PCDHGA5: variants seen among roughly 807,000 people sequenced by gnomAD.
PCDHGA5 encodes the protein protocadherin gamma-A5.
PCDHGA5 carries 36 observed loss-of-function variants against 56.7 expected under a neutral mutation model. That is an observed-to-expected ratio of 0.64 (90% confidence interval 0.49 to 0.84). The LOEUF is 0.84. PCDHGA5 is among the 40% of genes least tolerant of loss of function. The probability of loss-of-function intolerance (pLI) is 0.00; values close to 1 mark genes in which losing one functional copy is unlikely to be tolerated. For missense variants in PCDHGA5, 1,305 were observed against 1,201.5 expected (o/e 1.09, Z -1.27); for synonymous variants, 563 against 520.2 (o/e 1.08, Z -1.12).
intron 1 of PCDHGA5, chr5:141,403,027 G>C: frequency 1.2e-6 from 2 of 1,614,070 alleles, no homozygotes; most frequent in Non-Finnish European, 1.7e-6. Flanking sequence ...TGCTATGGGA[G>C]GCCAGGGCCA....
intron 1 of PCDHGA5, chr5:141,413,404 C>T: frequency 6.2e-7 from 1 of 1,614,046 alleles, no homozygotes; most frequent in Non-Finnish European, 8.5e-7. Context: ...AGGTAGGACG[C>T]AGCTTTTCTC....
chr5:141,372,093 C>T (rs775337385), intron 1 of PCDHGA5: 1 of 1,613,786 alleles, frequency 6.2e-7, no homozygotes, highest in Admixed American at 1.7e-5. Flanking sequence ...GTACCCAGCT[C>T]TGGGGCCCGA....
chr5:141,365,777 G>C lies in PCDHGA5; in HGVS notation c.1447G>C (p.Asp483His). 6.2e-7 allele frequency: 1 copy of C among 1,613,854 alleles called. No individual in the cohort carries two copies. The highest frequency in any genetic ancestry group is 8.5e-7 in the Non-Finnish European group (1 of 1,179,882). Residue 483 changes from aspartate (D) to histidine (H), a missense_variant, in exon 1 of 4, where the codon GAC becomes CAC. Transcript: ENST00000518069. ...GACAGCCCATGACCCCGACAGCGGC[G>C]ACAACGCTCGAGTCACCTACTCCCT... The part of the protein sequence containing the change: ...SVTAHDPDSG[D>H]NARVTYSLAE...
Position 141,490,480 on chromosome 5 carries a change from C to G in PCDHGA5, c.2422-4327C>G. On this transcript the variant is annotated intron_variant, in intron 1 of 3. Coordinates refer to ENST00000518069, the MANE Select transcript of PCDHGA5 (RefSeq NM_018918.3). This position sits in a 1 kb window ranked among gnomAD's most constrained non-coding sequence, Gnocchi z 5.4. The stretch of plus-strand genomic sequence containing the variant: ...GCTGCTAACCAGCCAGCCTTTGGAC[C>G]GGGAGGCCACATCCCACTATATCAT... 2.5e-6 allele frequency: 4 copies of G among 1,614,194 alleles called. No homozygotes were observed. The highest frequency in any genetic ancestry group is 3.4e-6 in the Non-Finnish European group (4 of 1,180,050).
intron 1 of PCDHGA5, among the ~76,000 whole-genome samples, chr5:141,492,341 C>T (rs2099739551): frequency 6.6e-6 from 1 of 152,222 alleles, no homozygotes; most frequent in East Asian, 1.9e-4. Flanking sequence ...CGAATACCAG[C>T]TTTCACTGCC....
intron 1 of PCDHGA5, chr5:141,417,924 T>C (rs1197566429): frequency 1.9e-6 from 3 of 1,609,340 alleles, no homozygotes; most frequent in Admixed American, 1.7e-5. Flanking sequence ...CCTTTGCTGC[T>C]GCCTTTGTTC....
rs933089146 is a variant in PCDHGA5, at chr5:141,490,786, A to G, written c.2422-4021A>G. ...GTATGTCAACCCAGAGGATGGACGGATCTTTGCCCAGCGTACCTTTGACTA... is the reference window on the plus strand; with the variant it reads ...GTATGTCAACCCAGAGGATGGACGGGTCTTTGCCCAGCGTACCTTTGACTA... On this transcript the variant is annotated intron_variant, in intron 1 of 3. Coordinates refer to ENST00000518069, the MANE Select transcript of PCDHGA5 (RefSeq NM_018918.3). This position sits in a 1 kb window ranked among gnomAD's most constrained non-coding sequence, Gnocchi z 5.4. The G allele has an allele frequency of 1.9e-6, 3 of 1,614,056 alleles. No individual in the cohort carries two copies. The highest frequency in any genetic ancestry group is 1.7e-5 in the Admixed American group (1 of 60,016).
At chr5:141,444,115 AG>A (rs1206374963) in intron 1 of PCDHGA5, among the ~76,000 whole-genome samples, 3 of 147,326 alleles carry the variant, frequency 2.0e-5, no homozygotes, top group Admixed American at 2.0e-4. Context: ...AGAAAAGTGA[AG>A]TATCTCAACA....
chr5:141,366,538 C>T lies in PCDHGA5; in HGVS notation c.2208C>T (p.Pro736=), dbSNP rs1369448812. ...QAEGSRLAGV[P]ASHFVGVDGV... Reference sequence around the variant, plus strand: ...AAGGCAGCAGGTTGGCGGGTGTGCCCGCCTCGCACTTTGTGGGCGTGGATG... The same window carrying T: ...AAGGCAGCAGGTTGGCGGGTGTGCCTGCCTCGCACTTTGTGGGCGTGGATG... The change falls in exon 1 of 4, where the codon CCC becomes CCT. Residue 736 remains proline, a synonymous_variant. Coordinates refer to ENST00000518069, the MANE Select transcript of PCDHGA5 (RefSeq NM_018918.3). 2.5e-6 allele frequency: 4 copies of T among 1,614,268 alleles called. No homozygotes were observed. Among genetic ancestry groups the T allele is most frequent in the Admixed American group, 1.7e-5 (1 of 60,028 alleles).
At position 141,372,292 on chromosome 5, in the gene PCDHGA5, G is replaced by A. The variant is rs1768614066; in HGVS notation, c.2421+5541G>A. The A allele has an allele frequency of 4.3e-6, 7 of 1,613,164 alleles. No homozygotes were observed. The African/African-American group carries it at 5.3e-5, about 12-fold the overall frequency. ...GAGGTGCGCACGGCGCGTACCTTGGGCGACAGGGAGGCCGCCCGCCAGCGC... is the reference window on the plus strand; with the variant it reads ...GAGGTGCGCACGGCGCGTACCTTGGACGACAGGGAGGCCGCCCGCCAGCGC... On this transcript the variant is annotated intron_variant, in intron 1 of 3. Transcript: ENST00000518069.
chr5:141,415,740 GTTTTTTTTT>G (rs57426385), intron 1 of PCDHGA5: 9,508 of 621,550 alleles, frequency 0.015, 13 homozygotes, highest in Non-Finnish European at 0.016. Context: ...GTTTATTAAG[GTTTTTTTTT>G]TTTTTTTTTT....
intron 1 of PCDHGA5, chr5:141,376,375 T>G (rs896572311): frequency 8.7e-6 from 14 of 1,614,090 alleles, no homozygotes; most frequent in African/African-American, 2.7e-5. Flanking sequence ...CAGACTCGCG[T>G]AAGAGTCATC....
intron 1 of PCDHGA5, chr5:141,383,477 A>T: frequency 6.2e-7 from 1 of 1,613,722 alleles, no homozygotes; most frequent in Non-Finnish European, 8.5e-7. Context: ...AAGTACCCGG[A>T]ACTGGTGCTG....
intron 1 of PCDHGA5, chr5:141,375,722 T>G (rs1422655230): frequency 6.2e-7 from 1 of 1,614,260 alleles, no homozygotes; most frequent in South Asian, 1.1e-5. Context: ...CAGCAACGTG[T>G]CACTGAGCCT....
In PCDHGA5 at chr5:141,415,292, G is replaced by T. The variant is rs778092218; in HGVS notation, c.2421+48541G>T. The T allele has an allele frequency of 1.7e-5, 28 of 1,614,082 alleles. No individual in the cohort carries two copies. Among genetic ancestry groups the T allele is most frequent in the Non-Finnish European group, 2.3e-5 (27 of 1,180,046 alleles). Reference sequence around the variant, plus strand: ...GTGGTAGCGGTGGCCGCGGTCTCCTGCGTCTTCCTGGCCTTCGTCATCGTG... The same window carrying T: ...GTGGTAGCGGTGGCCGCGGTCTCCTTCGTCTTCCTGGCCTTCGTCATCGTG... On this transcript the variant is annotated intron_variant, in intron 1 of 3. Coordinates refer to ENST00000518069, the MANE Select transcript of PCDHGA5 (RefSeq NM_018918.3).
In PCDHGA5 at chr5:141,365,163, CCTA is replaced by C; in HGVS notation, c.836_838del (p.Tyr279del). The C allele has an allele frequency of 1.2e-6, 2 of 1,613,918 alleles. No individual in the cohort carries two copies. The highest frequency in any genetic ancestry group is 1.7e-6 in the Non-Finnish European group (2 of 1,179,886). On this transcript the variant is annotated inframe_deletion, in exon 1 of 4. Coordinates refer to ENST00000518069, the MANE Select transcript of PCDHGA5 (RefSeq NM_018918.3). Reference sequence around the variant, plus strand: ...GATGAGGGAATAAACGGGAAATTGACCTACTCTTTTCGCAATGAAGAAGAAAAA... The same window carrying C: ...GATGAGGGAATAAACGGGAAATTGACCTCTTTTCGCAATGAAGAAGAAAAA...
intron 1 of PCDHGA5, chr5:141,392,605 C>CAA: frequency 1.9e-6 from 1 of 514,610 alleles, no homozygotes; most frequent in Non-Finnish European, 3.4e-6. Context: ...TACTGGAAGA[C>CAA]AAATGCAACC....
chr5:141,409,452 A>T, intron 1 of PCDHGA5: 1 of 1,613,990 alleles, frequency 6.2e-7, no homozygotes, highest in Non-Finnish European at 8.5e-7. Context: ...CAGACACCAG[A>T]ATACAATGTC....
At chr5:141,393,363 A>T (rs1464639963) in intron 1 of PCDHGA5, 1 of 1,613,930 alleles carries the variant, frequency 6.2e-7, no homozygotes, top group South Asian at 1.1e-5. Flanking sequence ...GGACGTGCAG[A>T]CTGGAGACAA....
Sources: gnomAD v4.1 joint callset for allele counts (sites outside exome capture counted in the v4.1 genomes callset) on GRCh38, gnomAD v4.1.1 for gene constraint, Gnocchi (gnomAD v3.1) non-coding constraint, MANE v1.5 for transcripts, NCBI Gene and HGNC (gene_info 2026-07-23, HGNC 2026-07-21) for gene names.